The following AIDA variants were observed in gnomAD, a reference collection of about 807,000 sequenced individuals.
The protein encoded by AIDA is axin interactor, dorsalization-associated protein.
AIDA carries 18 observed loss-of-function variants against 42.7 expected under a neutral mutation model. The observed-to-expected ratio is 0.42, with a 90% CI of 0.29 to 0.63. The LOEUF is 0.63. AIDA is among the 20% of genes least tolerant of loss of function. The pLI is 0.19. For missense variants in AIDA, 250 were observed against 354.1 expected (o/e 0.71, Z 2.36); for synonymous variants, 104 against 122.9 (o/e 0.85, Z 1.02).
chr1:222,701,831 C>G (rs1331446744), intron 2 of AIDA, among the ~76,000 whole-genome samples: 1 of 152,146 alleles, frequency 6.6e-6, no homozygotes, highest in Non-Finnish European at 1.5e-5. Flanking sequence ...TCAAGTGATT[C>G]TCTTGCCTCA....
intron 8 of AIDA, among the ~76,000 whole-genome samples, chr1:222,671,779 A>G (rs1664453625): frequency 6.6e-6 from 1 of 152,196 alleles, no homozygotes; most frequent in Non-Finnish European, 1.5e-5. Context: ...TCCCTCCCAC[A>G]GCACTCAGAG....
intron 2 of AIDA, 57 bp from the exon 3 acceptor site, chr1:222,694,320 A>G: frequency 7.4e-7 from 1 of 1,354,568 alleles, no homozygotes; most frequent in Non-Finnish European, 1.0e-6. Context: ...GTTAGTTCAA[A>G]TCATCAAGTT....
intron 4 of AIDA, 133 bp downstream of exon 4, chr1:222,693,656 C>A: frequency 1.5e-6 from 1 of 655,428 alleles, no homozygotes; most frequent in Non-Finnish European, 2.4e-6. Flanking sequence ...GTAACAAAAG[C>A]ACCCAAAAAA....
intron 2 of AIDA, among the ~76,000 whole-genome samples, chr1:222,701,101 T>G (rs201929582): frequency 6.6e-6 from 1 of 151,570 alleles, no homozygotes; most frequent in East Asian, 2.0e-4. Flanking sequence ...TAGCTGGAAC[T>G]ACAGGCTTAC....
At chr1:222,711,778 T>A (rs1391277305) in intron 1 of AIDA, 1 of 193,330 alleles carries the variant, frequency 5.2e-6, no homozygotes, top group Non-Finnish European at 1.1e-5. Context: ...AGGCCACTCA[T>A]CCTTGGAACG....
At chr1:222,677,141 A>G (rs78690434) in intron 6 of AIDA, among the ~76,000 whole-genome samples, 109 of 152,180 alleles carry the variant, frequency 7.2e-4, no homozygotes, top group African/African-American at 2.6e-3. Context: ...AAGATACTTG[A>G]TATTTTCTGA....
intron 1 of AIDA, among the ~76,000 whole-genome samples, chr1:222,706,847 T>A (rs1358904698): frequency 1.6e-5 from 2 of 126,726 alleles, no homozygotes; most frequent in Non-Finnish European, 3.1e-5. Flanking sequence ...AGAGTGGGAC[T>A]GCGCCTCAAA....
chr1:222,676,260 A>G, intron 6 of AIDA, 42 bp from the exon 7 acceptor site: 1 of 1,571,126 alleles, frequency 6.4e-7, no homozygotes, highest in African/African-American at 1.4e-5. Flanking sequence ...ATATCATTTC[A>G]CAGTAAACAT....
intron 4 of AIDA, among the ~76,000 whole-genome samples, chr1:222,687,998 T>C (rs148186746): frequency 1.9e-4 from 29 of 152,122 alleles, no homozygotes; most frequent in African/African-American, 6.3e-4. Context: ...CTCCTCCCTA[T>C]AGTACTTTAA....
At chr1:222,688,910 C>G (rs1367871440) in intron 4 of AIDA, among the ~76,000 whole-genome samples, 3 of 151,926 alleles carry the variant, frequency 2.0e-5, no homozygotes. Flanking sequence ...CAGGAGGTAT[C>G]AGAAGAAGGC....
intron 1 of AIDA, among the ~76,000 whole-genome samples, chr1:222,706,028 A>C (rs1271894966): frequency 6.6e-6 from 1 of 152,228 alleles, no homozygotes; most frequent in Non-Finnish European, 1.5e-5. Context: ...AAGATTTGAA[A>C]AGATAGTTAA....
chr1:222,712,155 G>C, intron 1 of AIDA, 53 bp downstream of exon 1: 1 of 1,552,394 alleles, frequency 6.4e-7, no homozygotes, highest in South Asian at 1.2e-5. Context: ...AGAAACAAGG[G>C]AGAGGCGCAC....
chr1:222,696,501 C>T (rs193247495), intron 2 of AIDA, among the ~76,000 whole-genome samples: 60 of 152,258 alleles, frequency 3.9e-4, no homozygotes, highest in African/African-American at 1.4e-3. Context: ...AACTGAAGCA[C>T]AGAGAGGTTA....
chr1:222,706,739 G>A (rs1273808432), intron 1 of AIDA, among the ~76,000 whole-genome samples: 2 of 151,484 alleles, frequency 1.3e-5, no homozygotes, highest in East Asian at 3.9e-4. Context: ...GCGTGGTGAT[G>A]CGCACCTGTA....
At chr1:222,701,103 C>T (rs1655686022) in intron 2 of AIDA, among the ~76,000 whole-genome samples, 1 of 151,636 alleles carries the variant, frequency 6.6e-6, no homozygotes, top group African/African-American at 2.4e-5. Flanking sequence ...GCTGGAACTA[C>T]AGGCTTACAC....
chr1:222,700,679 C>T (rs1345822354), intron 2 of AIDA, among the ~76,000 whole-genome samples: 6 of 150,936 alleles, frequency 4.0e-5, no homozygotes, highest in South Asian at 2.1e-4. Flanking sequence ...GGCGTGAACC[C>T]GGGAGGCGGA....
intron 2 of AIDA, among the ~76,000 whole-genome samples, chr1:222,700,600 CA>C (rs1397422454): frequency 7.2e-6 from 1 of 139,700 alleles, no homozygotes; most frequent in Non-Finnish European, 1.6e-5. Context: ...ACTAAAAATA[CA>C]AAAAATTAGC....
At chr1:222,701,160 A>G (rs1655688690) in intron 2 of AIDA, among the ~76,000 whole-genome samples, 1 of 151,998 alleles carries the variant, frequency 6.6e-6, no homozygotes, top group African/African-American at 2.4e-5. Context: ...ATGGGGTTTC[A>G]CCATGTTGCC....
intron 6 of AIDA, among the ~76,000 whole-genome samples, chr1:222,685,084 A>T (rs185228377): frequency 1.3e-5 from 2 of 152,352 alleles, no homozygotes; most frequent in African/African-American, 4.8e-5. Flanking sequence ...AATTGGAAAT[A>T]ATGCCCTTGT....
Sources: gnomAD v4.1 joint callset for allele counts (sites outside exome capture counted in the v4.1 genomes callset) on GRCh38, gnomAD v4.1.1 for gene constraint, MANE v1.5 for transcripts, NCBI Gene and HGNC (gene_info 2026-07-23, HGNC 2026-07-21) for gene names.